HCRTR1: variants seen among roughly 807,000 people sequenced by gnomAD.
HCRTR1 encodes the protein hypocretin receptor 1.
In HCRTR1, 28 loss-of-function variants were observed where a neutral mutation model predicts 40.6. The ratio of observed to expected loss-of-function variants is 0.69; its 90% CI spans 0.51 to 0.95. HCRTR1 has a LOEUF of 0.95. HCRTR1 is among the 40% of genes least tolerant of loss of function. The pLI is 0.00. For missense variants in HCRTR1, 482 were observed against 564.7 expected, an observed-to-expected ratio of 0.85 and a Z score of 1.48; for synonymous variants, 209 against 230.0, an observed-to-expected ratio of 0.91 and a Z score of 0.83.
chr1:31,619,671 G>A lies in HCRTR1; in HGVS notation c.339G>A (p.Leu113=). Residue 113 remains leucine (L), a synonymous_variant, in exon 4 of 9, where the codon CTG becomes CTA. Transcript: ENST00000403528. ...SLLVDITESW[L]FGHALCKVIP... ...TGGTGGACATCACTGAGTCCTGGCT[G>A]TTCGGCCATGCCCTCTGCAAGGTCA... The A allele has an allele frequency of 6.2e-7, 1 of 1,612,198 alleles. No individual in the cohort carries two copies. The highest frequency in any genetic ancestry group is 8.5e-7 in the Non-Finnish European group (1 of 1,178,994).
At position 31,620,276 on chromosome 1, in the gene HCRTR1, C is replaced by G. The variant is rs1444412319; in HGVS notation, c.378+566C>G. 1.6e-4 allele frequency among the ~76,000 whole-genome samples: 25 copies of G among 152,240 alleles called. 1 individual carries two copies. Among genetic ancestry groups the G allele is most frequent in the Admixed American group, 1.6e-3 (24 of 15,292 alleles). On this transcript the variant is annotated intron_variant, in intron 4 of 8. Coordinates refer to ENST00000403528, the MANE Select transcript of HCRTR1 (RefSeq NM_001525.3). Reference sequence around the variant, plus strand: ...AGGCAATGCCCACACACCTCTGACCCAGACTCATCTCTGCCTCCCAGAATG... The same window carrying G: ...AGGCAATGCCCACACACCTCTGACCGAGACTCATCTCTGCCTCCCAGAATG...
downstream of HCRTR1, among the ~76,000 whole-genome samples, chr1:31,631,363 TAGCACAGTGAC>T (rs1640099257): frequency 6.6e-6 from 1 of 152,198 alleles, no homozygotes. Flanking sequence ...GTAAAGCACT[TAGCACAGTGAC>T]TGGCACAGAA....
chr1:31,619,312 G>T lies in HCRTR1; in HGVS notation c.120G>T (p.Leu40=). ...EFLRYLWRDY[L]YPKQYEWVLI... ...TCCGCTATCTGTGGCGCGATTATCT[G>T]TACCCAAAACAGTATGAGTGGGTCC... The change falls in exon 3 of 9, where the codon CTG becomes CTT. Residue 40 remains leucine (L), a synonymous_variant. Transcript: ENST00000403528. 1 of 1,614,234 alleles carries T rather than the reference G, an allele frequency of 6.2e-7. No individual in the cohort carries two copies. The highest frequency in any genetic ancestry group is 8.5e-7 in the Non-Finnish European group (1 of 1,180,034).
At chr1:31,630,771 A>G (rs1228639770), downstream of HCRTR1, 1 of 1,613,908 alleles carries the variant, frequency 6.2e-7, no homozygotes, top group African/African-American at 1.3e-5. Context: ...GGATTGGCAG[A>G]GCGTGGGCAG....
chr1:31,623,689 T>C lies in HCRTR1; in HGVS notation c.905T>C (p.Val302Ala). Residue 302 changes from valine (V) to alanine (A), a missense_variant, in exon 7 of 9, where the codon GTG becomes GCG. By Grantham distance (64) the Val-to-Ala change is moderately conservative (BLOSUM62 0). Transcript: ENST00000403528. ...AGGAAGACAGCCAAGATGCTGATGG[T>C]GGTGCTGCTGGTCTTCGCCCTCTGC... ...ARRKTAKMLM[V>A]VLLVFALCYL... is the part of the protein sequence containing the mutation. 6.2e-7 allele frequency: 1 copy of C among 1,614,154 alleles called. No individual in the cohort carries two copies. The highest frequency in any genetic ancestry group is 1.1e-5 in the South Asian group (1 of 91,082).
At chr1:31,619,432 T>G (rs370775833) in intron 3 of HCRTR1, 41 bp downstream of exon 3, 2 of 1,612,986 alleles carry the variant, frequency 1.2e-6, no homozygotes, top group Non-Finnish European at 1.7e-6. Context: ...CGGCTTTCCC[T>G]GGGGATTGAA....
At chr1:31,630,579 C>A, downstream of HCRTR1, 1 of 1,589,186 alleles carries the variant, frequency 6.3e-7, no homozygotes, top group Non-Finnish European at 8.6e-7. Flanking sequence ...CAGGAAAGGT[C>A]CCTGGTGCAC....
chr1:31,624,161 T>C (rs897121977), intron 7 of HCRTR1, among the ~76,000 whole-genome samples: 1 of 151,884 alleles, frequency 6.6e-6, no homozygotes, highest in African/African-American at 2.4e-5. Flanking sequence ...GATACAATGG[T>C]TTAAAAAAAG....
At chr1:31,620,353 A>G (rs371974217) in intron 4 of HCRTR1, among the ~76,000 whole-genome samples, 16 of 152,354 alleles carry the variant, frequency 1.1e-4, no homozygotes, top group African/African-American at 3.8e-4. Context: ...TGGCAGAGAT[A>G]AATGCCTCTT....
chr1:31,623,424 C>A, intron 6 of HCRTR1, 99 bp from the exon 7 acceptor site: 2 of 953,296 alleles, frequency 2.1e-6, no homozygotes, highest in East Asian at 2.7e-5. Context: ...TGCCCATCTC[C>A]ACCCTGCCCG....
In HCRTR1 at chr1:31,619,075, A is replaced by G. The variant is rs1231846654; in HGVS notation, c.-118A>G. ...GGAAGTTTGAGGCTGAGACCCGAAA[A>G]GACCTGGGTGCAAGCCTCCAGGCAC... is the stretch of plus-strand genomic sequence containing the variant. On this transcript the variant is annotated 5_prime_UTR_variant, in exon 3 of 9. Transcript: ENST00000403528. 1.3e-6 allele frequency: 1 copy of G among 747,326 alleles called. No homozygotes were observed. Among genetic ancestry groups the G allele is most frequent in the Non-Finnish European group, 2.1e-6 (1 of 466,726 alleles). 46.3% of individuals were successfully genotyped at this position (747,326 alleles called of 1,614,324 possible). A position where few individuals can be genotyped will look rare whatever the true frequency, so the allele number is the denominator to read the frequency against.
chr1:31,627,471 C>G lies in HCRTR1; in HGVS notation c.*491C>G. 1.3e-6 allele frequency: 1 copy of G among 757,818 alleles called. No individual in the cohort carries two copies. The highest frequency in any genetic ancestry group is 2.0e-6 in the Non-Finnish European group (1 of 506,478). The allele number at this position is 757,818 out of a possible 1,614,324, so 46.9% of individuals were successfully genotyped here. A position where few individuals can be genotyped will look rare whatever the true frequency, so the allele number is the denominator to read the frequency against. On this transcript the variant is annotated 3_prime_UTR_variant, in exon 9 of 9. Coordinates refer to ENST00000403528, the MANE Select transcript of HCRTR1 (RefSeq NM_001525.3). ...GCCTTTCTCCAGCGGGCCACGAGCA[C>G]AGCCCCACCCTAACCAGGTGCCAAG... is the stretch of plus-strand genomic sequence containing the variant.
downstream of HCRTR1, chr1:31,632,745 A>T: frequency 7.5e-7 from 1 of 1,326,252 alleles, no homozygotes; most frequent in Non-Finnish European, 1.0e-6. Context: ...GGAGTAGGCG[A>T]CTTCACAGAA....
downstream of HCRTR1, chr1:31,630,441 A>G (rs191007984): frequency 3.2e-5 from 22 of 688,052 alleles, no homozygotes; most frequent in African/African-American, 3.4e-4. Flanking sequence ...GGTCCTCACT[A>G]TTTGGTGGCT....
At chr1:31,630,560 C>CT (rs1443397775), downstream of HCRTR1, 2 of 1,533,898 alleles carry the variant, frequency 1.3e-6, no homozygotes, top group African/African-American at 1.4e-5. Flanking sequence ...TTCTCTCACT[C>CT]TAAGAAGCCA....
At chr1:31,633,377 C>T, downstream of HCRTR1, 5 of 1,508,594 alleles carry the variant, frequency 3.3e-6, no homozygotes, top group South Asian at 5.1e-5. Flanking sequence ...TCAGTAACTT[C>T]CTGGCTACAG....
downstream of HCRTR1, among the ~76,000 whole-genome samples, chr1:31,634,332 AC>A (rs547693919): frequency 5.8e-4 from 89 of 152,150 alleles, no homozygotes; most frequent in South Asian, 3.5e-3. Flanking sequence ...CTGGATTCAA[AC>A]CCTGGATCTG....
intron 4 of HCRTR1, 124 bp downstream of exon 4, chr1:31,619,834 A>C (rs1639814994): frequency 2.3e-6 from 2 of 857,484 alleles, no homozygotes; most frequent in Non-Finnish European, 3.5e-6. Context: ...ATGACCCCTG[A>C]AGTGTCATCC....
In HCRTR1 at chr1:31,619,210, C is replaced by T. The variant is rs1369910751; in HGVS notation, c.18C>T (p.Thr6=). 6.2e-7 allele frequency: 1 copy of T among 1,612,312 alleles called. No homozygotes were observed. Among genetic ancestry groups the T allele is most frequent in the Non-Finnish European group, 8.5e-7 (1 of 1,179,978 alleles). Reference sequence around the variant, plus strand: ...CTGAGCTCATGGAGCCCTCAGCCACCCCAGGGGCCCAGATGGGGGTCCCCC... The same window carrying T: ...CTGAGCTCATGGAGCCCTCAGCCACTCCAGGGGCCCAGATGGGGGTCCCCC... MEPSA[T]PGAQMGVPPG... Residue 6 remains threonine, a synonymous_variant, in exon 3 of 9, where the codon ACC becomes ACT. Transcript: ENST00000403528.
Sources: allele counts gnomAD v4.1 joint callset (sites outside exome capture counted in the v4.1 genomes callset), GRCh38; gene constraint gnomAD v4.1.1; transcripts MANE v1.5; gene names NCBI Gene and HGNC (gene_info 2026-07-23, HGNC 2026-07-21).